Variants in TMCC2 observed in about 807,000 individuals in gnomAD.
TMCC2 encodes the protein transmembrane and coiled-coil domains protein 2.
A neutral mutation model predicts 49.4 loss-of-function variants in TMCC2; 16 were observed. The ratio of observed to expected loss-of-function variants is 0.32; its 90% CI spans 0.22 to 0.49. TMCC2 has a LOEUF of 0.49. TMCC2 is among the 20% of genes least tolerant of loss of function. The pLI is 0.99. For missense variants in TMCC2, 762 were observed against 989.8 expected, an observed-to-expected ratio of 0.77 and a Z score of 3.09; for synonymous variants, 397 against 434.1, an observed-to-expected ratio of 0.91 and a Z score of 1.06.
intron 2 of TMCC2, among the ~76,000 whole-genome samples, chr1:205,248,400 C>A (rs896895928): frequency 2.6e-5 from 4 of 152,196 alleles, no homozygotes; most frequent in Admixed American, 2.6e-4. Context: ...CAGATTGAGA[C>A]CCCATCTCCA....
At chr1:205,271,489 C>A in intron 4 of TMCC2, 1 of 691,528 alleles carries the variant, frequency 1.4e-6, no homozygotes, top group Non-Finnish European at 2.4e-6. Flanking sequence ...GCAGAGGCCA[C>A]CATGCCCCCC....
chr1:205,233,732 C>G (rs919448357), intron 1 of TMCC2: 1 of 151,554 alleles, frequency 6.6e-6, no homozygotes, highest in African/African-American at 2.4e-5. Flanking sequence ...CTCATCTACC[C>G]AAGTCAAGGA....
Position 205,269,059 on chromosome 1 carries a change from A to G in TMCC2, c.857A>G (p.Lys286Arg), listed in dbSNP as rs1030038203. 1.9e-6 allele frequency: 3 copies of G among 1,613,688 alleles called. No individual in the cohort carries two copies. Among genetic ancestry groups the G allele is most frequent in the Non-Finnish European group, 2.5e-6 (3 of 1,180,002 alleles). ...PDGAPDPQRTKAAIDHLHQKI... is the reference protein window; with the variant it reads ...PDGAPDPQRTRAAIDHLHQKI... ...GGGGCACCGGACCCCCAGCGGACCA[A>G]GGCCGCCATTGACCACCTGCACCAG... Residue 286 changes from lysine (K) to arginine (R), a missense_variant, in exon 3 of 5, where the codon AAG becomes AGG. Physicochemically the swap from Lys to Arg is conservative, Grantham distance 26. Around this residue, in one of 2 missense-constraint regions of TMCC2, gnomAD observed 440 missense variants for 636.7 expected, o/e 0.69. Coordinates refer to ENST00000358024, the MANE Select transcript of TMCC2 (RefSeq NM_014858.4).
chr1:205,255,065 T>C (rs1341192471), intron 2 of TMCC2, among the ~76,000 whole-genome samples: 1 of 151,810 alleles, frequency 6.6e-6, no homozygotes, highest in African/African-American at 2.4e-5. Context: ...TAGCTAGACA[T>C]GGTGGTGCAC....
At chr1:205,265,186 A>T (rs1158036836) in intron 2 of TMCC2, among the ~76,000 whole-genome samples, 1 of 152,150 alleles carries the variant, frequency 6.6e-6, no homozygotes, top group African/African-American at 2.4e-5. Context: ...GGGGTGGACG[A>T]GGGGGCCAGG....
rs752631579 is a variant in TMCC2, at chr1:205,269,686, C to A, written c.1484C>A (p.Ala495Asp). Residue 495 changes from alanine to aspartate, a missense_variant, in exon 3 of 5, where the codon GCT becomes GAT. This residue lies in a region of TMCC2 where 440 missense variants were observed against 636.7 expected (regional missense o/e 0.69). Coordinates refer to ENST00000358024, the MANE Select transcript of TMCC2 (RefSeq NM_014858.4). ...SSAGAGSNSG[A>D]GPGGALGSPK... The stretch of plus-strand genomic sequence containing the variant: ...GCCGGGGCAGGCAGCAACTCTGGGG[C>A]TGGGCCTGGTGGGGCGCTGGGGAGC... 29 of 1,613,904 alleles carry A rather than the reference C, an allele frequency of 1.8e-5. No homozygotes were observed. Among genetic ancestry groups the A allele is most frequent in the Non-Finnish European group, 2.4e-5 (28 of 1,179,950 alleles).
chr1:205,238,998 G>A (rs1660161650), intron 1 of TMCC2, among the ~76,000 whole-genome samples: 1 of 152,158 alleles, frequency 6.6e-6, no homozygotes, highest in South Asian at 2.1e-4. Context: ...AGGCAATATG[G>A]CAGACATCGG....
At chr1:205,230,995 C>CA (rs1659773330) in intron 1 of TMCC2, among the ~76,000 whole-genome samples, 1 of 34,916 alleles carries the variant, frequency 2.9e-5, no homozygotes, top group Admixed American at 3.9e-4. Flanking sequence ...CCCATCCCCC[C>CA]ATCCCCCCCC....
chr1:205,242,392 CAGTTA>C (rs1422888080), intron 2 of TMCC2, among the ~76,000 whole-genome samples: 2 of 152,172 alleles, frequency 1.3e-5, no homozygotes, highest in African/African-American at 4.8e-5. Flanking sequence ...GCCACTTACT[CAGTTA>C]ACCTCTTTGT....
At chr1:205,255,075 C>T (rs1660810359) in intron 2 of TMCC2, among the ~76,000 whole-genome samples, 1 of 151,930 alleles carries the variant, frequency 6.6e-6, no homozygotes, top group South Asian at 2.1e-4. Context: ...TGGTGGTGCA[C>T]ACCAGTAGTC....
chr1:205,258,040 A>AG (rs1452595422), intron 2 of TMCC2, among the ~76,000 whole-genome samples: 1 of 152,178 alleles, frequency 6.6e-6, no homozygotes, highest in African/African-American at 2.4e-5. Context: ...GCCAAGGGTT[A>AG]GATGAGAGGG....
intron 1 of TMCC2, chr1:205,236,841 C>G (rs1660069715): frequency 6.6e-6 from 1 of 152,152 alleles, no homozygotes; most frequent in South Asian, 2.1e-4. Context: ...AGAGGGCACG[C>G]CATGCTGGGA....
chr1:205,272,049 C>T lies in TMCC2; in HGVS notation c.2055C>T (p.Val685=). Residue 685 remains valine (V), a synonymous_variant, in exon 5 of 5, where the codon GTC becomes GTT. Transcript: ENST00000358024. ...RLRITSTTLL[V]LVLFLLWKHW... ...GCATCACCAGCACCACCCTCCTGGTCCTCGTCCTGTTCCTCCTCTGGAAGC... is the reference window on the plus strand; with the variant it reads ...GCATCACCAGCACCACCCTCCTGGTTCTCGTCCTGTTCCTCCTCTGGAAGC... 1 of 1,614,224 alleles carries T rather than the reference C, an allele frequency of 6.2e-7. No individual in the cohort carries two copies. Among genetic ancestry groups the T allele is most frequent in the South Asian group, 1.1e-5 (1 of 91,088 alleles).
intron 2 of TMCC2, among the ~76,000 whole-genome samples, chr1:205,255,821 G>A (rs911133014): frequency 1.7e-4 from 26 of 152,186 alleles, no homozygotes; most frequent in Non-Finnish European, 2.9e-4. Flanking sequence ...TGCAAGAACA[G>A]TGCTTGGTGC....
At chr1:205,230,997 T>TCCCCCCCCCCCCCC (rs57350842) in intron 1 of TMCC2, among the ~76,000 whole-genome samples, 1 of 42,272 alleles carries the variant, frequency 2.4e-5, no homozygotes, top group African/African-American at 7.6e-5. Context: ...CATCCCCCCA[T>TCCCCCCCCCCCCCC]CCCCCCCCCC....
At chr1:205,265,473 TC>T (rs1558656208) in intron 2 of TMCC2, among the ~76,000 whole-genome samples, 1 of 151,870 alleles carries the variant, frequency 6.6e-6, no homozygotes, top group East Asian at 1.9e-4. Flanking sequence ...CCTCCCACTC[TC>T]CCCCTAAGTA....
In TMCC2 at chr1:205,269,386, T is replaced by A; in HGVS notation, c.1184T>A (p.Ile395Asn). The change falls in exon 3 of 5, where the codon ATC becomes AAC. Residue 395 changes from isoleucine (I) to asparagine (N), a missense_variant. By Grantham distance (149) the Ile-to-Asn change is moderately radical. Around this residue, in one of 2 missense-constraint regions of TMCC2, gnomAD observed 440 missense variants for 636.7 expected, o/e 0.69. Coordinates refer to ENST00000358024, the MANE Select transcript of TMCC2 (RefSeq NM_014858.4). ...GTGGGCGCCAACGTGCGCGCAGGCA[T>A]CAGCGGCTTTGGGGGCGGCGTGGTG... ...KDVGANVRAG[I>N]SGFGGGVVEG... 6.2e-7 allele frequency: 1 copy of A among 1,609,246 alleles called. No homozygotes were observed. The highest frequency in any genetic ancestry group is 8.5e-7 in the Non-Finnish European group (1 of 1,176,930).
chr1:205,249,369 C>A (rs986426690), intron 2 of TMCC2, among the ~76,000 whole-genome samples: 4 of 152,222 alleles, frequency 2.6e-5, no homozygotes, highest in Admixed American at 2.6e-4. Context: ...GAGGGGCCCC[C>A]CCAACCCCTG....
intron 2 of TMCC2, 48 bp from the exon 3 acceptor site, chr1:205,268,902 A>G (rs374360968): frequency 5.7e-6 from 9 of 1,582,016 alleles, no homozygotes; most frequent in African/African-American, 5.4e-5. Flanking sequence ...GGGCACTCCT[A>G]TGGTCCCAGG....
Sources: allele counts gnomAD v4.1 joint callset (sites outside exome capture counted in the v4.1 genomes callset), GRCh38; gene constraint gnomAD v4.1.1; regional missense constraint gnomAD v4.1.1; transcripts MANE v1.5; gene names NCBI Gene and HGNC (gene_info 2026-07-23, HGNC 2026-07-21).